The following DNAH1 variants were observed in gnomAD, a reference collection of about 807,000 sequenced individuals.
The protein encoded by DNAH1 is axonemal beta dynein heavy chain 1.
Under a neutral mutation model 484.3 loss-of-function variants are expected in DNAH1, and 327 were observed. The observed-to-expected ratio is 0.68, with a 90% CI of 0.62 to 0.74. The LOEUF (loss-of-function observed/expected upper bound fraction) is 0.74, where lower values mean the gene tolerates loss of function less well. Among genes scored for constraint, DNAH1 ranks in the 30% least tolerant of loss-of-function variants. The pLI is 0.00. For synonymous variants in DNAH1, 2,192 were observed against 2,191.9 expected (o/e 1.00, Z 0.00); for missense variants, 5,052 against 5,546.8 (o/e 0.91, Z 2.83).
chr3:52,372,261 C>A lies in DNAH1; in HGVS notation c.6701C>A (p.Thr2234Lys). 6.2e-7 allele frequency: 1 copy of A among 1,613,966 alleles called. No individual in the cohort carries two copies. Among genetic ancestry groups the A allele is most frequent in the Non-Finnish European group, 8.5e-7 (1 of 1,179,876 alleles). The change falls in exon 43 of 78, where the codon ACG becomes AAG. Residue 2234 changes from threonine (T) to lysine (K), a missense_variant. This residue lies in a region of DNAH1 where 2,929 missense variants were observed against 3,409.4 expected (regional missense o/e 0.86). Coordinates refer to ENST00000420323, the MANE Select transcript of DNAH1 (RefSeq NM_015512.5). ...LCIGPTGTGK[T>K]LTISDKLLKN... ...ATTGGGCCAACAGGCACGGGGAAGA[C>A]GCTCACCATCTCTGACAAGCTCCTC...
At position 52,361,668 on chromosome 3, in the gene DNAH1, G is replaced by A; in HGVS notation, c.4882G>A (p.Ala1628Thr). The A allele has an allele frequency of 6.2e-7, 1 of 1,605,154 alleles. No homozygotes were observed. The highest frequency in any genetic ancestry group is 1.3e-5 in the African/African-American group (1 of 74,912). Residue 1628 changes from alanine (A) to threonine (T), a missense_variant, in exon 30 of 78, where the codon GCC (alanine) becomes ACC (threonine). Around this residue, in one of 4 missense-constraint regions of DNAH1, gnomAD observed 2,929 missense variants for 3,409.4 expected, o/e 0.86. Transcript: ENST00000420323. This position sits in a 1 kb window ranked among gnomAD's most constrained non-coding sequence, Gnocchi z 5.6. ...TGTTCCGGCCTCACTCAGTGCTGGG[G>A]CCTGGGCCTGCTTCGACGAGTTCAA... ...KFFKGLASAG[A>T]WACFDEFNRI...
chr3:52,380,266 G>C, intron 48 of DNAH1, 131 bp downstream of exon 48: 3 of 761,872 alleles, frequency 3.9e-6, no homozygotes, highest in Non-Finnish European at 6.3e-6. Flanking sequence ...CGCGGGGTAA[G>C]ACAGCCAGCT....
Position 52,390,935 on chromosome 3 carries a change from ATC to A in DNAH1, c.9623_9624del (p.Ile3208SerfsTer27). Reference sequence around the variant, plus strand: ...CAGTCCAGTGCCTGGCTCTCCACAGATCGCTGGCCTCCCCAACGACACACTGT... The same window carrying A: ...CAGTCCAGTGCCTGGCTCTCCACAGAGCTGGCCTCCCCAACGACACACTGT... ...GNPVKIRSWQ[I>X]AGLPNDTLSV... On this transcript the variant is annotated frameshift_variant and splice_region_variant, in exon 61 of 78. Coordinates refer to ENST00000420323, the MANE Select transcript of DNAH1 (RefSeq NM_015512.5). LOFTEE classifies it high-confidence loss of function. 1 of 1,551,756 alleles carries A rather than the reference ATC, an allele frequency of 6.4e-7. No homozygotes were observed. The highest frequency in any genetic ancestry group is 8.7e-7 in the Non-Finnish European group (1 of 1,146,936).
At chr3:52,385,750 T>C (rs1704076284) in intron 54 of DNAH1, among the ~76,000 whole-genome samples, 1 of 152,212 alleles carries the variant, frequency 6.6e-6, no homozygotes, top group Non-Finnish European at 1.5e-5. Flanking sequence ...CCGATCCTCA[T>C]GGCAGACCTT....
In DNAH1 at chr3:52,326,196, G is replaced by C. The variant is rs549687186; in HGVS notation, c.463G>C (p.Gly155Arg). 1 of 1,612,778 alleles carries C rather than the reference G, an allele frequency of 6.2e-7. No homozygotes were observed. Among genetic ancestry groups the C allele is most frequent in the South Asian group, 1.1e-5 (1 of 90,776 alleles). Residue 155 changes from glycine (G) to arginine (R), a missense_variant, in exon 4 of 78, where the codon GGG becomes CGG. By Grantham distance (125) the Gly-to-Arg change is moderately radical (BLOSUM62 -2). This residue lies in a region of DNAH1 where 1,263 missense variants were observed against 1,218.8 expected (regional missense o/e 1.04). Transcript: ENST00000420323. Reference protein sequence around the residue: ...FQERMEQQCIGSTTRLLAQTD... With the variant: ...FQERMEQQCIRSTTRLLAQTD... ...GGAGCGCATGGAGCAGCAGTGCATC[G>C]GGTCCACCACCCGGCTGCTCGCCCA...
At position 52,361,887 on chromosome 3, in the gene DNAH1, C is replaced by T; in HGVS notation, c.4980+121C>T. On this transcript the variant is annotated intron_variant, in intron 30 of 77. Coordinates refer to ENST00000420323, the MANE Select transcript of DNAH1 (RefSeq NM_015512.5). This position sits in a 1 kb window ranked among gnomAD's most constrained non-coding sequence, Gnocchi z 5.6. ...CCACCCTGGGTCCAGCCTCTCTTGT[C>T]CCGGGGGCACACCCTAACCCCAGTC... is the stretch of plus-strand genomic sequence containing the variant. 1 of 1,058,972 alleles carries T rather than the reference C, an allele frequency of 9.4e-7. No individual in the cohort carries two copies. The highest frequency in any genetic ancestry group is 1.4e-6 in the Non-Finnish European group (1 of 731,228). The allele number at this position is 1,058,972 out of a possible 1,614,324, so 65.6% of individuals were successfully genotyped here.
At chr3:52,348,822 C>T (rs897064391) in intron 12 of DNAH1, 66 bp from the exon 13 acceptor site, 5 of 1,552,626 alleles carry the variant, frequency 3.2e-6, no homozygotes, top group Middle Eastern at 1.7e-4. Flanking sequence ...GACTCCCCAT[C>T]TCCCCTCTGC....
intron 64 of DNAH1, 35 bp from the exon 65 acceptor site, chr3:52,392,795 T>TGGTTGGGGGGGGGGGGGGGGGGGGGGGGG: frequency 1.1e-6 from 1 of 887,466 alleles, no homozygotes; most frequent in Non-Finnish European, 1.7e-6. Flanking sequence ...TACCTTCTGC[T>TGGTTGGGGGGGGGGGGGGGGGGGGGGGGG]CTTTGACCCC....
intron 75 of DNAH1, 127 bp downstream of exon 75, chr3:52,398,289 G>T (rs981976382): frequency 2.8e-5 from 33 of 1,189,134 alleles, no homozygotes; most frequent in South Asian, 1.4e-4. Context: ...GCTATTTTTT[G>T]TTGTTGTTGT....
At position 52,345,638 on chromosome 3, in the gene DNAH1, C is replaced by T; in HGVS notation, c.1588C>T (p.His530Tyr). 6.2e-7 allele frequency: 1 copy of T among 1,611,524 alleles called. No homozygotes were observed. The highest frequency in any genetic ancestry group is 8.5e-7 in the Non-Finnish European group (1 of 1,178,898). Residue 530 changes from histidine to tyrosine, a missense_variant, in exon 10 of 78, where the codon CAC becomes TAC. Coordinates refer to ENST00000420323, the MANE Select transcript of DNAH1 (RefSeq NM_015512.5). ...CNKVTAMSLF[H>Y]SSLSKYSHLE... ...CAAGGTGACCGCCATGTCCCTGTTC[C>T]ACTCGAGCCTCTCCAAGTACAGCCA...
intron 17 of DNAH1, 145 bp downstream of exon 17, chr3:52,352,248 C>A: frequency 2.4e-6 from 3 of 1,251,790 alleles, no homozygotes; most frequent in Non-Finnish European, 2.2e-6. Context: ...GAATAAATGG[C>A]TGAAAGAATG....
In DNAH1 at chr3:52,347,777, C is replaced by T. The variant is rs1186656252; in HGVS notation, c.1956-47C>T. 7 of 1,503,926 alleles carry T rather than the reference C, an allele frequency of 4.7e-6. No homozygotes were observed. In the East Asian group the frequency reaches 1.2e-4, roughly 26 times the overall value. The allele number at this position is 1,503,926 out of a possible 1,614,324, so 93.2% of individuals were successfully genotyped here. A position where few individuals can be genotyped will look rare whatever the true frequency, so the allele number is the denominator to read the frequency against. ...AAGGGCAGAGGGCTGCTCCTGCACA[C>T]AGGCCTCCTAGGCCTCTGCCCACAG... On this transcript the variant is annotated intron_variant, in intron 11 of 77. Coordinates refer to ENST00000420323, the MANE Select transcript of DNAH1 (RefSeq NM_015512.5).
chr3:52,361,538 GA>G lies in DNAH1; in HGVS notation c.4875-122del, dbSNP rs1014041506. 1 of 1,265,284 alleles carries G rather than the reference GA, an allele frequency of 7.9e-7. No homozygotes were observed. Among genetic ancestry groups the G allele is most frequent in the Non-Finnish European group, 1.1e-6 (1 of 907,988 alleles). The allele number at this position is 1,265,284 out of a possible 1,614,324, so 78.4% of individuals were successfully genotyped here. A position where few individuals can be genotyped will look rare whatever the true frequency, so the allele number is the denominator to read the frequency against. ...GGGGAGTGGCAGTGGGTTGAAGACT[GA>G]GCTGATGGAGATTGCCCCTGAGGGC... On this transcript the variant is annotated intron_variant, in intron 29 of 77. Coordinates refer to ENST00000420323, the MANE Select transcript of DNAH1 (RefSeq NM_015512.5). This position sits in a 1 kb window ranked among gnomAD's most constrained non-coding sequence, Gnocchi z 5.6.
intron 6 of DNAH1, among the ~76,000 whole-genome samples, chr3:52,329,078 A>C (rs1052552501): frequency 2.6e-5 from 4 of 152,268 alleles, no homozygotes; most frequent in African/African-American, 4.8e-5. Flanking sequence ...CTTTGGACTT[A>C]ATTACAAAAA....
intron 8 of DNAH1, among the ~76,000 whole-genome samples, chr3:52,337,868 C>T (rs1701790838): frequency 6.6e-6 from 1 of 152,210 alleles, no homozygotes; most frequent in South Asian, 2.1e-4. Flanking sequence ...AATCATAGCT[C>T]ACTTCAGCCT....
chr3:52,384,796 G>A lies in DNAH1; in HGVS notation c.8333G>A (p.Cys2778Tyr), dbSNP rs1176704045. Reference sequence around the variant, plus strand: ...GTCTTCCTCCCCCAGATCCAGGTCTGTGTGTACATCCACCAGTCGGTGTCC... The same window carrying A: ...GTCTTCCTCCCCCAGATCCAGGTCTATGTGTACATCCACCAGTCGGTGTCC... ...QEEIQGLIQV[C>Y]VYIHQSVSKK... The change falls in exon 53 of 78, where the codon TGT (cysteine) becomes TAT (tyrosine). Residue 2778 changes from cysteine (C) to tyrosine (Y), a missense_variant. Physicochemically the swap from Cys to Tyr is radical, Grantham distance 194. Transcript: ENST00000420323. The A allele has an allele frequency of 1.4e-5, 23 of 1,605,388 alleles. No individual in the cohort carries two copies. The highest frequency in any genetic ancestry group is 2.0e-5 in the Non-Finnish European group (23 of 1,175,888).
At chr3:52,319,858 C>T (rs1701081767) in intron 1 of DNAH1, among the ~76,000 whole-genome samples, 1 of 152,220 alleles carries the variant, frequency 6.6e-6, no homozygotes, top group African/African-American at 2.4e-5. Flanking sequence ...CTCACTCTCA[C>T]ACCTTCTTTG....
chr3:52,397,116 G>A, intron 73 of DNAH1, 72 bp downstream of exon 73: 1 of 1,400,590 alleles, frequency 7.1e-7, no homozygotes, highest in Non-Finnish European at 9.6e-7. Context: ...TGAGCACCTT[G>A]GTGCTGGGTG....
chr3:52,372,443 A>G, intron 43 of DNAH1, 56 bp downstream of exon 43: 1 of 1,596,552 alleles, frequency 6.3e-7, no homozygotes, highest in Non-Finnish European at 8.5e-7. Context: ...TGGCCGATCC[A>G]GCTGCTGTCC....
Sources: gnomAD v4.1 joint callset for allele counts (sites outside exome capture counted in the v4.1 genomes callset) on GRCh38, gnomAD v4.1.1 for gene constraint, gnomAD v4.1.1 regional missense constraint, Gnocchi (gnomAD v3.1) non-coding constraint, MANE v1.5 for transcripts, NCBI Gene and HGNC (gene_info 2026-07-23, HGNC 2026-07-21) for gene names.